The following B3GALT1 variants were observed in gnomAD, a reference collection of about 807,000 sequenced individuals.
B3GALT1 encodes the protein UDP-Gal:betaGlcNAc beta 1,3-galactosyltransferase, polypeptide 1.
In B3GALT1, 10 loss-of-function variants were observed where a neutral mutation model predicts 23.2. That is an observed-to-expected ratio of 0.43 (90% CI 0.27 to 0.73). B3GALT1 has a LOEUF of 0.73. Ranked by LOEUF, B3GALT1 falls within the 30% of genes least tolerant of loss-of-function variation. B3GALT1 has a pLI of 0.21. For synonymous variants in B3GALT1, 156 were observed against 141.5 expected, an observed-to-expected ratio of 1.10 and a Z score of -0.73; for missense variants, 299 against 405.4, an observed-to-expected ratio of 0.74 and a Z score of 2.25.
intron 3 of B3GALT1, among the ~76,000 whole-genome samples, chr2:167,756,502 A>G (rs532702648): frequency 2.0e-5 from 3 of 152,350 alleles, no homozygotes; most frequent in African/African-American, 7.2e-5. Flanking sequence ...GCGATATGCT[A>G]CGATCAATAC....
At chr2:167,858,148 A>T (rs1690032694) in intron 4 of B3GALT1, among the ~76,000 whole-genome samples, 1 of 152,120 alleles carries the variant, frequency 6.6e-6, no homozygotes, top group African/African-American at 2.4e-5. Context: ...GAGAAAAGCA[A>T]AATTCTATGT....
At chr2:167,699,671 ACTTAC>A (rs906773054) in intron 3 of B3GALT1, among the ~76,000 whole-genome samples, 8 of 152,142 alleles carry the variant, frequency 5.3e-5, no homozygotes, top group African/African-American at 1.9e-4. Flanking sequence ...CATAGAGTCC[ACTTAC>A]CTTACATAGG....
chr2:167,641,415 G>A (rs536002617), intron 2 of B3GALT1, among the ~76,000 whole-genome samples: 15 of 152,264 alleles, frequency 9.9e-5, no homozygotes, highest in African/African-American at 3.4e-4. Flanking sequence ...CCAGGGGCAA[G>A]TTATTAATAT....
intron 3 of B3GALT1, among the ~76,000 whole-genome samples, chr2:167,793,584 G>T (rs1030204503): frequency 6.6e-6 from 1 of 151,672 alleles, no homozygotes; most frequent in Non-Finnish European, 1.5e-5. Flanking sequence ...TAGGCAAGGT[G>T]CATGGAGGAA....
intron 1 of B3GALT1, among the ~76,000 whole-genome samples, chr2:167,460,374 C>T (rs1219096532): frequency 6.6e-6 from 1 of 151,938 alleles, no homozygotes; most frequent in African/African-American, 2.4e-5. Flanking sequence ...TTTTCTTCTC[C>T]CTGCTCTGCC....
At chr2:167,614,686 A>G (rs995672746) in intron 2 of B3GALT1, among the ~76,000 whole-genome samples, 15 of 152,056 alleles carry the variant, frequency 9.9e-5, no homozygotes, top group East Asian at 3.9e-4. Context: ...TTATATGTCA[A>G]TGGGACATAG....
chr2:167,677,532 T>A (rs1686449381), intron 3 of B3GALT1, among the ~76,000 whole-genome samples: 1 of 152,174 alleles, frequency 6.6e-6, no homozygotes, highest in African/African-American at 2.4e-5. Flanking sequence ...TCATGAAAGA[T>A]TTTTAGCATG....
intron 1 of B3GALT1, among the ~76,000 whole-genome samples, chr2:167,319,237 A>G (rs1696765172): frequency 6.6e-6 from 1 of 152,118 alleles, no homozygotes; most frequent in African/African-American, 2.4e-5. Context: ...CGTTTCTACA[A>G]TAGGCAGATC....
chr2:167,536,126 C>T (rs2105370847), intron 2 of B3GALT1, among the ~76,000 whole-genome samples: 1 of 152,230 alleles, frequency 6.6e-6, no homozygotes, highest in South Asian at 2.1e-4. Context: ...AGGCTGGTGT[C>T]AAACTCCTGA....
intron 1 of B3GALT1, among the ~76,000 whole-genome samples, chr2:167,295,240 CTAAG>C (rs1230934357): frequency 1.3e-5 from 2 of 152,036 alleles, no homozygotes; most frequent in Non-Finnish European, 2.9e-5. Flanking sequence ...AAAATTGGTG[CTAAG>C]TATTTTCTTC....
At chr2:167,372,730 A>G (rs1203807400) in intron 1 of B3GALT1, among the ~76,000 whole-genome samples, 1 of 152,080 alleles carries the variant, frequency 6.6e-6, no homozygotes, top group Non-Finnish European at 1.5e-5. Context: ...AATTTATAAT[A>G]ATATCAAAGC....
chr2:167,378,538 T>G (rs1697797874), intron 1 of B3GALT1, among the ~76,000 whole-genome samples: 1 of 152,116 alleles, frequency 6.6e-6, no homozygotes, highest in Admixed American at 6.6e-5. Flanking sequence ...TTTTTTTTTA[T>G]TTTTGTCTGA....
chr2:167,718,939 G>T (rs1687191440), intron 3 of B3GALT1, among the ~76,000 whole-genome samples: 1 of 152,118 alleles, frequency 6.6e-6, no homozygotes, highest in Non-Finnish European at 1.5e-5. Context: ...TTATTTTGGG[G>T]TAGCATATCT....
At chr2:167,714,449 G>A (rs1574227054) in intron 3 of B3GALT1, 1 of 1,591,812 alleles carries the variant, frequency 6.3e-7, no homozygotes, top group African/African-American at 1.3e-5. Context: ...CTCCAACAAA[G>A]TTTGAGGAGA....
intron 2 of B3GALT1, among the ~76,000 whole-genome samples, chr2:167,638,876 C>G (rs1241132248): frequency 6.6e-6 from 1 of 151,858 alleles, no homozygotes; most frequent in Non-Finnish European, 1.5e-5. Flanking sequence ...TAGTTGCAAC[C>G]CTGACATTGA....
At chr2:167,385,430 T>A (rs1697912300) in intron 1 of B3GALT1, among the ~76,000 whole-genome samples, 1 of 152,210 alleles carries the variant, frequency 6.6e-6, no homozygotes, top group Non-Finnish European at 1.5e-5. Flanking sequence ...TGAAATTGTA[T>A]CTTTTTTATA....
intron 3 of B3GALT1, among the ~76,000 whole-genome samples, chr2:167,710,129 G>T (rs1687026842): frequency 6.6e-6 from 1 of 152,122 alleles, no homozygotes; most frequent in Non-Finnish European, 1.5e-5. Flanking sequence ...AGGTGCAAAG[G>T]GTAGACTTAA....
At chr2:167,430,196 A>G (rs1698686919) in intron 1 of B3GALT1, among the ~76,000 whole-genome samples, 1 of 152,136 alleles carries the variant, frequency 6.6e-6, no homozygotes, top group Non-Finnish European at 1.5e-5. Context: ...CTTTGGAGGA[A>G]GACACTCCAG....
intron 4 of B3GALT1, among the ~76,000 whole-genome samples, chr2:167,854,696 C>T (rs1203857501): frequency 1.3e-5 from 2 of 152,158 alleles, no homozygotes; most frequent in African/African-American, 4.8e-5. Context: ...GCCTGGGAGA[C>T]TTCATTATGG....
Sources: allele counts gnomAD v4.1 joint callset (sites outside exome capture counted in the v4.1 genomes callset), GRCh38; gene constraint gnomAD v4.1.1; transcripts MANE v1.5; gene names NCBI Gene and HGNC (gene_info 2026-07-23, HGNC 2026-07-21).